The following NR3C1 variants were observed in gnomAD, a reference collection of about 807,000 sequenced individuals.
The protein encoded by NR3C1 is glucocorticoid receptor.
In NR3C1, 14 loss-of-function variants were observed where a neutral mutation model predicts 74.0. The observed-to-expected ratio is 0.19, with a 90% confidence interval of 0.12 to 0.30. The LOEUF (loss-of-function observed/expected upper bound fraction) is 0.30. NR3C1 is among the 10% of genes least tolerant of loss of function. The pLI, the probability that NR3C1 is intolerant of heterozygous loss-of-function variation, is 1.00. For missense variants in NR3C1, 695 were observed against 909.8 expected (o/e 0.76, Z 3.04); for synonymous variants, 308 against 332.5 (o/e 0.93, Z 0.80).
chr5:143,329,739 C>T (rs1825549366), intron 2 of NR3C1, among the ~76,000 whole-genome samples: 1 of 151,990 alleles, frequency 6.6e-6, no homozygotes, highest in Non-Finnish European at 1.5e-5. Context: ...AAATTAACAC[C>T]TTTTTTTAAA....
At chr5:143,397,003 G>T (rs1839337712) in intron 2 of NR3C1, among the ~76,000 whole-genome samples, 1 of 151,870 alleles carries the variant, frequency 6.6e-6, no homozygotes, top group African/African-American at 2.4e-5. Flanking sequence ...TTTACTTAAA[G>T]AATAGATTTT....
chr5:143,298,630 C>T (rs774973792), intron 6 of NR3C1, 38 bp downstream of exon 6: 14 of 1,600,500 alleles, frequency 8.7e-6, no homozygotes, highest in South Asian at 1.1e-5. Flanking sequence ...TTAAAGATAC[C>T]CTATGAATAC....
chr5:143,395,291 A>G (rs1348730893), intron 2 of NR3C1, among the ~76,000 whole-genome samples: 2 of 152,008 alleles, frequency 1.3e-5, no homozygotes, highest in African/African-American at 4.8e-5. Flanking sequence ...GAAGAAAATA[A>G]GAGCAGTCGG....
chr5:143,387,593 C>T (rs1007631174), intron 2 of NR3C1, among the ~76,000 whole-genome samples: 5 of 152,114 alleles, frequency 3.3e-5, no homozygotes, highest in East Asian at 1.9e-4. Flanking sequence ...TTTTCCTGAA[C>T]ATTAGAGCAG....
Position 143,279,661 on chromosome 5 carries a change from A to G in NR3C1, c.*2228T>C, listed in dbSNP as rs1184497514. The G allele has an allele frequency of 1.0e-5, 4 of 387,222 alleles. No individual in the cohort carries two copies. Among genetic ancestry groups the G allele is most frequent in the Admixed American group, 4.8e-5 (1 of 20,878 alleles). 24.0% of individuals were successfully genotyped at this position (387,222 alleles called of 1,614,324 possible). On this transcript the variant is annotated 3_prime_UTR_variant, in exon 9 of 9. Transcript: ENST00000394464. ...AAAAGCATTCAAAGAAAACAAAAAC[A>G]TGTCCTCATTTTATTTGGAAATAAA...
chr5:143,362,910 GA>G (rs911094082), intron 2 of NR3C1, among the ~76,000 whole-genome samples: 4 of 152,176 alleles, frequency 2.6e-5, no homozygotes, highest in African/African-American at 7.2e-5. Flanking sequence ...TAAGGGCTTT[GA>G]AAGGGTCCAA....
intron 2 of NR3C1, among the ~76,000 whole-genome samples, chr5:143,358,674 G>A (rs1016422743): frequency 3.9e-5 from 6 of 152,160 alleles, no homozygotes; most frequent in African/African-American, 1.4e-4. Context: ...GGCTGAGGCA[G>A]GCGGATCACC....
At chr5:143,421,162 G>T (rs940167283) in intron 1 of NR3C1, among the ~76,000 whole-genome samples, 1 of 152,118 alleles carries the variant, frequency 6.6e-6, no homozygotes, top group African/African-American at 2.4e-5. Context: ...GATACAAATG[G>T]CTAGCTACCA....
At chr5:143,400,921 C>G in intron 1 of NR3C1, 69 bp from the exon 2 acceptor site, 2 of 1,194,524 alleles carry the variant, frequency 1.7e-6, no homozygotes, top group Non-Finnish European at 2.4e-6. Context: ...CTTCCTGATC[C>G]GATTAGTAAG....
intron 7 of NR3C1, chr5:143,294,873 T>C: frequency 2.1e-6 from 2 of 943,082 alleles, no homozygotes; most frequent in Non-Finnish European, 2.5e-6. Flanking sequence ...TCATAGTTTA[T>C]CACTTCACCT....
intron 2 of NR3C1, among the ~76,000 whole-genome samples, chr5:143,381,990 A>G (rs1836341446): frequency 6.6e-6 from 1 of 152,184 alleles, no homozygotes; most frequent in African/African-American, 2.4e-5. Context: ...AACCCACAAA[A>G]TGGAAGAAAA....
At chr5:143,412,953 A>G (rs754573164) in intron 1 of NR3C1, among the ~76,000 whole-genome samples, 2 of 152,220 alleles carry the variant, frequency 1.3e-5, no homozygotes, top group South Asian at 2.1e-4. Context: ...ATGTTTATTA[A>G]TAGAAGAGAC....
rs1812668098 is a variant in NR3C1 at position 143,278,568 on chromosome 5, C to G, written c.*3321G>C. On this transcript the variant is annotated 3_prime_UTR_variant, in exon 9 of 9. Coordinates refer to ENST00000394464, the MANE Select transcript of NR3C1 (RefSeq NM_000176.3). ...CCTTACACTTTTATTTCCCTTCTGA[C>G]ACTAAAACCAGACACACACACACAA... is the stretch of plus-strand genomic sequence containing the variant. 6.6e-6 allele frequency: 1 copy of G among 152,144 alleles called. No individual in the cohort carries two copies. Among genetic ancestry groups the G allele is most frequent in the South Asian group, 2.1e-4 (1 of 4,826 alleles). The allele number at this position is 152,144 out of a possible 1,614,324, so 9.4% of individuals were successfully genotyped here. A position where few individuals can be genotyped will look rare whatever the true frequency, so the allele number is the denominator to read the frequency against.
chr5:143,341,734 T>G (rs938954806), intron 2 of NR3C1, among the ~76,000 whole-genome samples: 2 of 152,210 alleles, frequency 1.3e-5, no homozygotes, highest in African/African-American at 4.8e-5. Flanking sequence ...TTTTAGTTAT[T>G]AAAATAGAAT....
chr5:143,352,626 C>T (rs567596661), intron 2 of NR3C1, among the ~76,000 whole-genome samples: 14 of 152,184 alleles, frequency 9.2e-5, no homozygotes, highest in African/African-American at 3.1e-4. Flanking sequence ...GCAAGTCAGA[C>T]GAATTTTTTG....
At chr5:143,361,727 C>A (rs542942615) in intron 2 of NR3C1, among the ~76,000 whole-genome samples, 3 of 152,128 alleles carry the variant, frequency 2.0e-5, no homozygotes, top group Admixed American at 6.5e-5. Flanking sequence ...AGATGTCCCA[C>A]GAATAACAGT....
At position 143,282,585 on chromosome 5, in the gene NR3C1, A is replaced by G; in HGVS notation, c.2164T>C (p.Leu722=). The G allele has an allele frequency of 6.2e-7, 1 of 1,613,908 alleles. No homozygotes were observed. The highest frequency in any genetic ancestry group is 8.5e-7 in the Non-Finnish European group (1 of 1,179,868). ...WQRFYQLTKL[L]DSMHEVVENL... is the part of the protein sequence containing the mutation. ...ACACTTACTTCATGCATAGAATCCA[A>G]GAGTTTTGTCAGTTGATAAAACCGC... Residue 722 remains leucine, a synonymous_variant, in exon 8 of 9, where the codon TTG becomes CTG. Coordinates refer to ENST00000394464, the MANE Select transcript of NR3C1 (RefSeq NM_000176.3).
At chr5:143,404,003 G>C (rs1194389551), upstream of NR3C1, 1 of 985,076 alleles carries the variant, frequency 1.0e-6, no homozygotes, top group Non-Finnish European at 1.2e-6. Context: ...CTCTGGGGCG[G>C]CGTTAAGAGG....
intron 1 of NR3C1, among the ~76,000 whole-genome samples, chr5:143,433,424 A>ATATATATATATAATTTATTTATTTAAAT (rs1267625901): frequency 7.4e-5 from 10 of 135,954 alleles, no homozygotes; most frequent in East Asian, 4.5e-4. Flanking sequence ...TATTTAAATT[A>ATATATATATATAATTTATTTATTTAAAT]TATATATATA....
Sources: allele counts gnomAD v4.1 joint callset (sites outside exome capture counted in the v4.1 genomes callset), GRCh38; gene constraint gnomAD v4.1.1; transcripts MANE v1.5; gene names NCBI Gene and HGNC (gene_info 2026-07-23, HGNC 2026-07-21).